TMEM132B: variants seen among roughly 807,000 people sequenced by gnomAD.
The protein encoded by TMEM132B is transmembrane protein 132B.
In TMEM132B, 18 loss-of-function variants were observed where a neutral mutation model predicts 90.8. The ratio of observed to expected loss-of-function variants is 0.20; its 90% confidence interval spans 0.14 to 0.29. The LOEUF (loss-of-function observed/expected upper bound fraction) is 0.29, where lower values mean the gene tolerates loss of function less well. Ranked by LOEUF, TMEM132B falls within the 10% of genes least tolerant of loss-of-function variation. The pLI, the probability that TMEM132B is intolerant of heterozygous loss-of-function variation, is 1.00. For missense variants in TMEM132B, 1,096 were observed against 1,326.8 expected, an observed-to-expected ratio of 0.83 and a Z score of 2.70; for synonymous variants, 504 against 523.3, an observed-to-expected ratio of 0.96 and a Z score of 0.50.
chr12:125,578,573 G>A (rs1884985143), intron 4 of TMEM132B, among the ~76,000 whole-genome samples: 1 of 152,050 alleles, frequency 6.6e-6, no homozygotes, highest in East Asian at 2.0e-4. Context: ...TTACTGTCTA[G>A]TGTCCCTTCA....
intron 4 of TMEM132B, among the ~76,000 whole-genome samples, chr12:125,532,616 G>A (rs928664573): frequency 4.6e-5 from 7 of 151,844 alleles, no homozygotes; most frequent in Non-Finnish European, 1.0e-4. Flanking sequence ...CTGAATTCAA[G>A]CAATTCTTCT....
At chr12:125,239,144 G>T (rs1874007446) in intron 1 of TMEM132B, among the ~76,000 whole-genome samples, 1 of 152,100 alleles carries the variant, frequency 6.6e-6, no homozygotes, top group Non-Finnish European at 1.5e-5. Context: ...CAGTTTTGGG[G>T]TGGGGAAAGA....
chr12:125,521,346 C>A (rs1263152205), intron 4 of TMEM132B, among the ~76,000 whole-genome samples: 1 of 152,036 alleles, frequency 6.6e-6, no homozygotes, highest in Non-Finnish European at 1.5e-5. Context: ...TATTCCAAAG[C>A]AAGTCATGGA....
intron 3 of TMEM132B, among the ~76,000 whole-genome samples, chr12:125,515,158 G>T (rs144126751): frequency 6.6e-6 from 1 of 151,906 alleles, no homozygotes; most frequent in African/African-American, 2.4e-5. Flanking sequence ...ACATATGTTC[G>T]CACATTCTCT....
intron 1 of TMEM132B, among the ~76,000 whole-genome samples, chr12:125,236,550 CAT>C (rs2136087685): frequency 6.6e-6 from 1 of 152,352 alleles, no homozygotes; most frequent in East Asian, 1.9e-4. Flanking sequence ...TTAATGGACA[CAT>C]GAGACCCATG....
chr12:125,187,738 A>G (rs1233112202), intron 1 of TMEM132B, among the ~76,000 whole-genome samples: 1 of 151,876 alleles, frequency 6.6e-6, no homozygotes, highest in African/African-American at 2.4e-5. Context: ...TGTTGGTTCT[A>G]TAGAAAGCGT....
chr12:125,412,948 T>A (rs541971222), intron 2 of TMEM132B, among the ~76,000 whole-genome samples: 1 of 152,232 alleles, frequency 6.6e-6, no homozygotes, highest in South Asian at 2.1e-4. Flanking sequence ...AGGCAAGGCA[T>A]GGCATCTGAG....
chr12:125,432,528 T>TATAGAGAGAG lies in TMEM132B; in HGVS notation c.1106+16852_1106+16853insTAGAGAGAGA, dbSNP rs1458075923. Among the ~76,000 whole-genome samples, 9 of 39,124 alleles carry TATAGAGAGAG rather than the reference T, an allele frequency of 2.3e-4. 1 individual carries two copies. The highest frequency in any genetic ancestry group is 4.5e-4 in the Non-Finnish European group (9 of 20,092). The allele number at this position is 39,124 out of a possible 152,430, so 25.7% of individuals were successfully genotyped here. ...GTGTGTGTGTATATATATATATATA[T>TATAGAGAGAG]AGAGAGAGAGAGAGAGAGAGAGAGA... On this transcript the variant is annotated intron_variant, in intron 3 of 8. Transcript: ENST00000682704.
At chr12:125,494,231 T>G (rs1882451201) in intron 3 of TMEM132B, among the ~76,000 whole-genome samples, 1 of 108,074 alleles carries the variant, frequency 9.3e-6, no homozygotes, top group Admixed American at 1.0e-4. Flanking sequence ...CCCTCCTCCC[T>G]GGAAATGGCC....
chr12:125,277,730 A>C lies in TMEM132B; in HGVS notation c.68-71722A>C, dbSNP rs75549359. On this transcript the variant is annotated intron_variant, in intron 1 of 8. Transcript: ENST00000682704. The surrounding 1 kb of genome is among the most constrained non-coding windows in gnomAD (Gnocchi z 4.3). ...TGGCCCCCAGGACTATGAGAGAATA[A>C]ATTTCTGTTGTTATAAGCCATCCCA... Among the ~76,000 whole-genome samples, 15,443 of 152,074 alleles carry C rather than the reference A, an allele frequency of 0.1. 841 individuals carry two copies. The highest frequency in any genetic ancestry group is 0.11 in the Non-Finnish European group (7,619 of 67,984).
chr12:125,596,361 T>C (rs1404505356), intron 5 of TMEM132B, among the ~76,000 whole-genome samples: 3 of 152,172 alleles, frequency 2.0e-5, no homozygotes, highest in African/African-American at 4.8e-5. Flanking sequence ...TTCCATTCCA[T>C]TGTCAAGAGG....
In TMEM132B at chr12:125,490,745, T is replaced by C. The variant is rs12317639; in HGVS notation, c.1107-28694T>C. Among the ~76,000 whole-genome samples the C allele has an allele frequency of 0.024, 3,723 of 152,274 alleles. 168 individuals carry two copies. The highest frequency in any genetic ancestry group is 0.083 in the African/African-American group (3,469 of 41,552). On this transcript the variant is annotated intron_variant, in intron 3 of 8. Coordinates refer to ENST00000682704, the MANE Select transcript of TMEM132B (RefSeq NM_001366854.1). This position sits in a 1 kb window ranked among gnomAD's most constrained non-coding sequence, Gnocchi z 4.2. ...CCTCCCAAAGTGCTGGGATTACAGGTGTGAGCCACCGCGCCCGGCCAATTT... is the reference window on the plus strand; with the variant it reads ...CCTCCCAAAGTGCTGGGATTACAGGCGTGAGCCACCGCGCCCGGCCAATTT...
intron 1 of TMEM132B, among the ~76,000 whole-genome samples, chr12:125,202,457 G>A (rs959535759): frequency 9.2e-5 from 14 of 152,232 alleles, no homozygotes; most frequent in Non-Finnish European, 1.9e-4. Flanking sequence ...TCTGAAAGCT[G>A]GACTGGGGAA....
chr12:125,323,497 G>C (rs1479208709), intron 1 of TMEM132B, among the ~76,000 whole-genome samples: 1 of 136,656 alleles, frequency 7.3e-6, no homozygotes, highest in Non-Finnish European at 1.5e-5. Context: ...CCCTCTTTCT[G>C]CCTCTCAGCT....
rs550439227 is a variant in TMEM132B at position 125,488,828 on chromosome 12, A to C, written c.1107-30611A>C. On this transcript the variant is annotated intron_variant, in intron 3 of 8. Coordinates refer to ENST00000682704, the MANE Select transcript of TMEM132B (RefSeq NM_001366854.1). ...TCGTGTACCTATGGCAAACTGCCGG[A>C]TGGTTGACTGTGGTTTTCAGCCACT... Among the ~76,000 whole-genome samples, 119 of 152,300 alleles carry C rather than the reference A, an allele frequency of 7.8e-4. 2 individuals are homozygous for C. In the South Asian group the frequency reaches 0.013, roughly 17 times the overall value.
At chr12:125,597,856 G>A (rs1296132258) in intron 5 of TMEM132B, among the ~76,000 whole-genome samples, 1 of 152,202 alleles carries the variant, frequency 6.6e-6, no homozygotes, top group African/African-American at 2.4e-5. Flanking sequence ...CCAAGGTCAT[G>A]CAGGTATGAA....
chr12:125,389,121 C>G (rs1398230942), intron 2 of TMEM132B, among the ~76,000 whole-genome samples: 1 of 151,626 alleles, frequency 6.6e-6, no homozygotes, highest in Non-Finnish European at 1.5e-5. Context: ...ATGAGCAAGA[C>G]AGATAAAAGT....
intron 3 of TMEM132B, among the ~76,000 whole-genome samples, chr12:125,442,602 C>T (rs1019094458): frequency 2.6e-5 from 4 of 152,076 alleles, no homozygotes; most frequent in African/African-American, 7.2e-5. Flanking sequence ...GTATAGTTTA[C>T]GGGAACAGAA....
At chr12:125,387,871 A>G (rs1349555630) in intron 2 of TMEM132B, among the ~76,000 whole-genome samples, 17 of 152,244 alleles carry the variant, frequency 1.1e-4, no homozygotes, top group Non-Finnish European at 2.9e-5. Context: ...ATGAACAGAG[A>G]GTGAATACTA....
Sources: allele counts gnomAD v4.1 joint callset (sites outside exome capture counted in the v4.1 genomes callset), GRCh38; gene constraint gnomAD v4.1.1; non-coding constraint Gnocchi (gnomAD v3.1); transcripts MANE v1.5; gene names NCBI Gene and HGNC (gene_info 2026-07-23, HGNC 2026-07-21).